Variants in XKR6 observed in about 807,000 individuals in gnomAD.
The protein encoded by XKR6 is XK related 6, also known as XK-related protein 6.
In XKR6, 22 loss-of-function variants were observed where a neutral mutation model predicts 56.7. The ratio of observed to expected loss-of-function variants is 0.39; its 90% CI spans 0.28 to 0.55. XKR6 has a LOEUF of 0.55. XKR6 is among the 20% of genes least tolerant of loss of function. The pLI is 0.66. For missense variants in XKR6, 852 were observed against 889.0 expected (o/e 0.96, Z 0.53); for synonymous variants, 524 against 387.8 (o/e 1.35, Z -4.13).
chr8:11,102,248 G>A (rs887407581), intron 1 of XKR6, among the ~76,000 whole-genome samples: 2 of 152,148 alleles, frequency 1.3e-5, no homozygotes, highest in Non-Finnish European at 2.9e-5. Context: ...GGACTTGCCT[G>A]CTCTTTCCCA....
At chr8:11,102,156 C>T (rs7000695) in intron 1 of XKR6, among the ~76,000 whole-genome samples, 4,626 of 152,256 alleles carry the variant, frequency 0.03, 123 homozygotes, top group African/African-American at 0.069. Flanking sequence ...CTGACATAAA[C>T]ATCGTCTTTT....
intron 1 of XKR6, among the ~76,000 whole-genome samples, chr8:10,962,376 T>A (rs1448955089): frequency 6.6e-6 from 1 of 151,938 alleles, no homozygotes; most frequent in African/African-American, 2.4e-5. Flanking sequence ...GGGCTGGGAG[T>A]CAGGCTGCAG....
At chr8:11,042,447 G>A (rs993790392) in intron 1 of XKR6, among the ~76,000 whole-genome samples, 7 of 152,038 alleles carry the variant, frequency 4.6e-5, no homozygotes, top group Non-Finnish European at 7.4e-5. Flanking sequence ...AGATCTGATG[G>A]TTTTATAAAG....
At chr8:11,065,659 A>T (rs1799958417) in intron 1 of XKR6, among the ~76,000 whole-genome samples, 1 of 151,862 alleles carries the variant, frequency 6.6e-6, no homozygotes, top group Admixed American at 6.6e-5. Context: ...GCTTGCGAAC[A>T]ACTTACTCCT....
chr8:11,091,833 ACCT>A (rs1373182768), intron 1 of XKR6, among the ~76,000 whole-genome samples: 10 of 151,874 alleles, frequency 6.6e-5, no homozygotes, highest in African/African-American at 2.2e-4. Flanking sequence ...GTCCCCCAAC[ACCT>A]CCTCTCATAC....
In XKR6 at chr8:11,166,896, A is replaced by C. The variant is rs560635328; in HGVS notation, c.764+33680T>G. Among the ~76,000 whole-genome samples the C allele has an allele frequency of 2.5e-4, 38 of 152,306 alleles. 2 individuals carry two copies. In the South Asian group the frequency reaches 7.7e-3, roughly 31 times the overall value. ...GGCTTAACCTAACATTTAATAGGGAAAATATTAACACTAGTATTCAGCTAA... is the reference window on the plus strand; with the variant it reads ...GGCTTAACCTAACATTTAATAGGGACAATATTAACACTAGTATTCAGCTAA... On this transcript the variant is annotated intron_variant, in intron 1 of 2. Coordinates refer to ENST00000416569, the MANE Select transcript of XKR6 (RefSeq NM_173683.4).
intron 1 of XKR6, among the ~76,000 whole-genome samples, chr8:11,076,232 G>T (rs538669777): frequency 1.3e-5 from 2 of 152,316 alleles, no homozygotes; most frequent in African/African-American, 4.8e-5. Flanking sequence ...GGGGAATGGG[G>T]AGGTGCTGTT....
intron 1 of XKR6, among the ~76,000 whole-genome samples, chr8:10,972,496 C>T (rs1802437421): frequency 2.0e-5 from 3 of 152,202 alleles, no homozygotes; most frequent in African/African-American, 7.2e-5. Flanking sequence ...GAATGGATGG[C>T]TGAGCAAAAT....
intron 1 of XKR6, among the ~76,000 whole-genome samples, chr8:10,997,130 TC>T (rs1237555008): frequency 6.6e-6 from 1 of 152,158 alleles, no homozygotes; most frequent in Non-Finnish European, 1.5e-5. Flanking sequence ...TTTCTCAAAC[TC>T]CATCATCAGT....
intron 1 of XKR6, among the ~76,000 whole-genome samples, chr8:10,972,721 G>A (rs1382662300): frequency 6.6e-6 from 1 of 152,186 alleles, no homozygotes; most frequent in Non-Finnish European, 1.5e-5. Flanking sequence ...GGGGACTGGG[G>A]AGTCATTGTT....
intron 1 of XKR6, among the ~76,000 whole-genome samples, chr8:11,039,533 G>A (rs1563362500): frequency 6.6e-6 from 1 of 152,204 alleles, no homozygotes; most frequent in Non-Finnish European, 1.5e-5. Context: ...GGGCCTTGAC[G>A]GACCCATGGC....
At chr8:11,183,062 C>G (rs1479764401) in intron 1 of XKR6, among the ~76,000 whole-genome samples, 1 of 152,088 alleles carries the variant, frequency 6.6e-6, no homozygotes, top group Non-Finnish European at 1.5e-5. Context: ...TTTTTTGAGG[C>G]TGAAACATTC....
intron 1 of XKR6, chr8:11,105,688 C>G (rs528619709): frequency 6.6e-6 from 1 of 152,164 alleles, no homozygotes; most frequent in Non-Finnish European, 1.5e-5. Context: ...AATTCCTTCA[C>G]AGTACAAAGC....
At chr8:11,143,513 T>C (rs951041040) in intron 1 of XKR6, among the ~76,000 whole-genome samples, 12 of 152,208 alleles carry the variant, frequency 7.9e-5, no homozygotes, top group Admixed American at 6.5e-4. Context: ...CAACATTAAA[T>C]AGCTGGAGTG....
chr8:10,943,919 C>T (rs1801458985), intron 1 of XKR6, among the ~76,000 whole-genome samples: 1 of 152,132 alleles, frequency 6.6e-6, no homozygotes, highest in Non-Finnish European at 1.5e-5. Context: ...TTCAATGGCC[C>T]TGCTAAAGCC....
chr8:11,095,067 C>T lies in XKR6; in HGVS notation c.764+105509G>A, dbSNP rs558800908. 2.3e-3 allele frequency among the ~76,000 whole-genome samples: 350 copies of T among 152,292 alleles called. 1 individual carries two copies. The highest frequency in any genetic ancestry group is 4.8e-3 in the Admixed American group (74 of 15,294). On this transcript the variant is annotated intron_variant, in intron 1 of 2. Transcript: ENST00000416569. ...AAAAGTTGGAAAGAAAAAAAGTAGG[C>T]TGATACAAAGGCAAATTTCCTTATA...
intron 1 of XKR6, among the ~76,000 whole-genome samples, chr8:10,967,439 G>A (rs118076089): frequency 0.013 from 1,944 of 152,330 alleles, 12 homozygotes; most frequent in Middle Eastern, 0.037. Context: ...GCTATGCCAG[G>A]AGGTGGGAGC....
chr8:11,092,083 T>C (rs775887850), intron 1 of XKR6, among the ~76,000 whole-genome samples: 11 of 152,196 alleles, frequency 7.2e-5, no homozygotes, highest in East Asian at 5.8e-4. Context: ...CAAATGTTCA[T>C]AGCAAGTGAG....
rs57130234 is a variant in XKR6 at position 11,001,252 on chromosome 8, T to C, written c.765-76422A>G. 6.3e-3 allele frequency among the ~76,000 whole-genome samples: 964 copies of C among 152,274 alleles called. 11 individuals are homozygous for C. Among genetic ancestry groups the C allele is most frequent in the African/African-American group, 0.022 (921 of 41,544 alleles). On this transcript the variant is annotated intron_variant, in intron 1 of 2. Transcript: ENST00000416569. Reference sequence around the variant, plus strand: ...AACAGAGGCTCAGAAAGCTAAAAACTAACTTGTTTAGGGCCAGCTAGTGAA... The same window carrying C: ...AACAGAGGCTCAGAAAGCTAAAAACCAACTTGTTTAGGGCCAGCTAGTGAA...
Sources: gnomAD v4.1 joint callset for allele counts (sites outside exome capture counted in the v4.1 genomes callset) on GRCh38, gnomAD v4.1.1 for gene constraint, MANE v1.5 for transcripts, NCBI Gene and HGNC (gene_info 2026-07-23, HGNC 2026-07-21) for gene names.